DISP2: variants seen among roughly 807,000 people sequenced by gnomAD.
The protein encoded by DISP2 is protein dispatched homolog 2.
DISP2 carries 59 observed loss-of-function variants against 95.5 expected under a neutral mutation model. The observed-to-expected ratio is 0.62, with a 90% confidence interval of 0.50 to 0.77. The LOEUF (loss-of-function observed/expected upper bound fraction) is 0.77. Ranked by LOEUF, DISP2 falls within the 30% of genes least tolerant of loss-of-function variation. The probability of loss-of-function intolerance (pLI) is 0.00; values close to 1 mark genes in which losing one functional copy is unlikely to be tolerated. For synonymous variants in DISP2, 827 were observed against 815.0 expected, an observed-to-expected ratio of 1.01 and a Z score of -0.25; for missense variants, 1,752 against 1,854.6, an observed-to-expected ratio of 0.94 and a Z score of 1.02.
At position 40,367,834 on chromosome 15, in the gene DISP2, G is replaced by A. The variant is rs200010581; in HGVS notation, c.1722G>A (p.Pro574=). Residue 574 remains proline (P), a synonymous_variant, in exon 8 of 8, where the codon CCG becomes CCA. Transcript: ENST00000267889. The stretch of plus-strand genomic sequence containing the variant: ...GGCGCCTTAGCAAGAGCCAGCTGCC[G>A]TCGGGGGGGCTGGCGCAGCGCGTGG... The part of the protein sequence containing the change: ...DLWRLSKSQL[P]SGGLAQRVGR... 163 of 1,601,896 alleles carry A rather than the reference G, an allele frequency of 1.0e-4. 1 individual carries two copies. In the African/African-American group the frequency reaches 1.1e-3, roughly 10 times the overall value.
intron 1 of DISP2, among the ~76,000 whole-genome samples, chr15:40,362,352 A>C (rs1370520302): frequency 6.6e-6 from 1 of 152,198 alleles, no homozygotes; most frequent in African/African-American, 2.4e-5. Context: ...AGCATTCAAC[A>C]TGTTGGTCTG....
In DISP2 at chr15:40,378,503, C is replaced by A. The variant is rs1368172797; in HGVS notation, c.*8185C>A. ...GTGGTCTATGGAATGTTAATTATATCTCAATAAAGCTGTTAAAATTGTACT... is the reference window on the plus strand; with the variant it reads ...GTGGTCTATGGAATGTTAATTATATATCAATAAAGCTGTTAAAATTGTACT... On this transcript the variant is annotated 3_prime_UTR_variant, in exon 8 of 8. Coordinates refer to ENST00000267889, the MANE Select transcript of DISP2 (RefSeq NM_033510.3). 3 of 152,060 alleles carry A rather than the reference C, an allele frequency of 2.0e-5. No homozygotes were observed. Among genetic ancestry groups the A allele is most frequent in the Non-Finnish European group, 4.4e-5 (3 of 68,012 alleles). 9.4% of individuals were successfully genotyped at this position (152,060 alleles called of 1,614,324 possible).
chr15:40,360,218 G>A (rs1053774640), intron 1 of DISP2, among the ~76,000 whole-genome samples: 2 of 152,212 alleles, frequency 1.3e-5, no homozygotes, highest in African/African-American at 4.8e-5. Flanking sequence ...AACCCTGGAA[G>A]TTACTCATCC....
At position 40,374,937 on chromosome 15, in the gene DISP2, C is replaced by A. The variant is rs1356962518; in HGVS notation, c.*4619C>A. On this transcript the variant is annotated 3_prime_UTR_variant, in exon 8 of 8. Coordinates refer to ENST00000267889, the MANE Select transcript of DISP2 (RefSeq NM_033510.3). Reference sequence around the variant, plus strand: ...ATCTTTTCTTTGACGGTGGCAGTATCTCATTTTTTGATAATACACATGGGT... The same window carrying A: ...ATCTTTTCTTTGACGGTGGCAGTATATCATTTTTTGATAATACACATGGGT... 6.6e-6 allele frequency: 1 copy of A among 152,094 alleles called. No homozygotes were observed. Among genetic ancestry groups the A allele is most frequent in the Non-Finnish European group, 1.5e-5 (1 of 68,014 alleles). 9.4% of individuals were successfully genotyped at this position (152,094 alleles called of 1,614,324 possible). A position where few individuals can be genotyped will look rare whatever the true frequency, so the allele number is the denominator to read the frequency against.
At position 40,358,254 on chromosome 15, in the gene DISP2, A is replaced by ACCGCCACCG. The variant is rs1555399519; in HGVS notation, c.-63_-62insACCGCCGCC. The ACCGCCACCG allele has an allele frequency of 5.6e-5, 58 of 1,031,820 alleles. No homozygotes were observed. Among genetic ancestry groups the ACCGCCACCG allele is most frequent in the South Asian group, 1.4e-4 (3 of 22,142 alleles). 63.9% of individuals were successfully genotyped at this position (1,031,820 alleles called of 1,614,324 possible). A position where few individuals can be genotyped will look rare whatever the true frequency, so the allele number is the denominator to read the frequency against. ...GCACCCCGCCGCCGCTGCCGCCGCC[A>ACCGCCACCG]CCGCCGCCGCCGCCGCCGCCGCCGC... On this transcript the variant is annotated 5_prime_UTR_variant, in exon 1 of 8. Transcript: ENST00000267889.
chr15:40,368,414 G>A lies in DISP2; in HGVS notation c.2302G>A (p.Gly768Ser). The A allele has an allele frequency of 1.9e-6, 3 of 1,608,932 alleles. No homozygotes were observed. The African/African-American group carries it at 4.0e-5, about 21-fold the overall frequency. Residue 768 changes from glycine to serine, a missense_variant, in exon 8 of 8, where the codon GGC (glycine) becomes AGC (serine). By Grantham distance (56) the Gly-to-Ser change is moderately conservative (BLOSUM62 0). This residue lies in a region of DISP2 where 732 missense variants were observed against 714.6 expected (regional missense o/e 1.02). Transcript: ENST00000267889. ...LFEQLPQGEGGHMPVVLVWGV... is the reference protein window; with the variant it reads ...LFEQLPQGEGSHMPVVLVWGV... ...CGAGCAGCTGCCGCAGGGCGAGGGC[G>A]GCCACATGCCCGTGGTTTTGGTGTG...
chr15:40,359,482 A>G (rs867954059), intron 1 of DISP2, among the ~76,000 whole-genome samples: 1 of 152,252 alleles, frequency 6.6e-6, no homozygotes, highest in Non-Finnish European at 1.5e-5. Context: ...GAGACACAGG[A>G]TGGGTGTATT....
rs1889755877 is a variant in DISP2, at chr15:40,378,160, A to C, written c.*7842A>C. 6.6e-6 allele frequency: 1 copy of C among 152,284 alleles called. No homozygotes were observed. The highest frequency in any genetic ancestry group is 6.5e-5 in the Admixed American group (1 of 15,288). The allele number at this position is 152,284 out of a possible 1,614,324, so 9.4% of individuals were successfully genotyped here. On this transcript the variant is annotated 3_prime_UTR_variant, in exon 8 of 8. Coordinates refer to ENST00000267889, the MANE Select transcript of DISP2 (RefSeq NM_033510.3). ...ATAACCCATCATAAGGAGAAAAATC[A>C]GTTGAAACCACTACAGCTGACACCT...
At chr15:40,359,062 A>G (rs2141257677) in intron 1 of DISP2, among the ~76,000 whole-genome samples, 1 of 152,326 alleles carries the variant, frequency 6.6e-6, no homozygotes, top group East Asian at 1.9e-4. Context: ...CCACCCCTGG[A>G]GGAGCCCCAT....
Position 40,358,275 on chromosome 15 carries a change from G to GCCGCCGCCC in DISP2, c.-43_-42insCGCCCCCGC, listed in dbSNP as rs1889347003. 5.8e-6 allele frequency: 7 copies of GCCGCCGCCC among 1,214,814 alleles called. No homozygotes were observed. Among genetic ancestry groups the GCCGCCGCCC allele is most frequent in the African/African-American group, 1.6e-5 (1 of 63,192 alleles). The allele number at this position is 1,214,814 out of a possible 1,614,324, so 75.3% of individuals were successfully genotyped here. ...CGCCACCGCCGCCGCCGCCGCCGCCGCCGCGGCTTCAGCACCAGCGCCCGG... is the reference window on the plus strand; with the variant it reads ...CGCCACCGCCGCCGCCGCCGCCGCCGCCGCCGCCCCCGCGGCTTCAGCACCAGCGCCCGG... On this transcript the variant is annotated 5_prime_UTR_variant, in exon 1 of 8. Coordinates refer to ENST00000267889, the MANE Select transcript of DISP2 (RefSeq NM_033510.3).
At chr15:40,364,100 A>G (rs1889453269) in intron 2 of DISP2, 126 bp from the exon 3 acceptor site, 1 of 1,492,068 alleles carries the variant, frequency 6.7e-7, no homozygotes, top group Non-Finnish European at 9.2e-7. Context: ...GGGAGTGGCA[A>G]AGCGCTAAAA....
intron 5 of DISP2, 76 bp downstream of exon 5, chr15:40,365,029 C>A: frequency 6.3e-7 from 1 of 1,596,728 alleles, no homozygotes; most frequent in Non-Finnish European, 8.5e-7. Context: ...ATTGGGTGAC[C>A]CACCCCAAGG....
At chr15:40,365,091 T>C in intron 5 of DISP2, 56 bp from the exon 6 acceptor site, 1 of 1,595,658 alleles carries the variant, frequency 6.3e-7, no homozygotes, top group Non-Finnish European at 8.5e-7. Context: ...GTCTCTGGCC[T>C]CCTCTGAGTC....
chr15:40,364,567 G>T, intron 4 of DISP2, 23 bp downstream of exon 4: 1 of 1,609,964 alleles, frequency 6.2e-7, no homozygotes, highest in South Asian at 1.1e-5. Flanking sequence ...GGGGTGGGAC[G>T]GGGTCCCCAG....
rs767413929 is a variant in DISP2, at chr15:40,367,217, C to T, written c.1105C>T (p.Arg369Trp). The T allele has an allele frequency of 3.7e-6, 6 of 1,614,034 alleles. No individual in the cohort carries two copies. The highest frequency in any genetic ancestry group is 2.2e-5 in the East Asian group (1 of 44,840). Reference protein sequence around the residue: ...ADAARTLALLRTCALYYHSGA... With the variant: ...ADAARTLALLWTCALYYHSGA... ...CGCAGCCCGCACACTGGCCCTGCTT[C>T]GGACCTGTGCCCTCTACTACCACAG... The change falls in exon 8 of 8, where the codon CGG (arginine) becomes TGG (tryptophan). Residue 369 changes from arginine (R) to tryptophan (W), a missense_variant. Transcript: ENST00000267889.
In DISP2 at chr15:40,368,124, C is replaced by T. The variant is rs779388455; in HGVS notation, c.2012C>T (p.Ala671Val). The T allele has an allele frequency of 2.1e-5, 31 of 1,454,092 alleles. No homozygotes were observed. In the Admixed American group the frequency reaches 7.4e-4, roughly 35 times the overall value. 90.1% of individuals were successfully genotyped at this position (1,454,092 alleles called of 1,614,324 possible). A position where few individuals can be genotyped will look rare whatever the true frequency, so the allele number is the denominator to read the frequency against. ...AGCGCGCCCCGGCGGCTACTGCTGG[C>T]GCTGCACCGGCGGCTCCGCGGCCTG... is the stretch of plus-strand genomic sequence containing the variant. ...EGSAPRRLLL[A>V]LHRRLRGLRR... Residue 671 changes from alanine to valine, a missense_variant, in exon 8 of 8, where the codon GCG becomes GTG. Physicochemically the swap from Ala to Val is moderately conservative, Grantham distance 64 (BLOSUM62 0). Transcript: ENST00000267889.
chr15:40,364,028 G>T, intron 2 of DISP2, 74 bp downstream of exon 2: 4 of 1,494,746 alleles, frequency 2.7e-6, no homozygotes, highest in Non-Finnish European at 2.7e-6. Flanking sequence ...GCAGACTGCC[G>T]GGGCTCTAGA....
At position 40,369,830 on chromosome 15, in the gene DISP2, G is replaced by C. The variant is rs546826681; in HGVS notation, c.3718G>C (p.Ala1240Pro). The C allele has an allele frequency of 3.8e-5, 60 of 1,579,738 alleles. No homozygotes were observed. Among genetic ancestry groups the C allele is most frequent in the Middle Eastern group, 3.4e-4 (2 of 5,918 alleles). Residue 1240 changes from alanine to proline, a missense_variant, in exon 8 of 8, where the codon GCT (alanine) becomes CCT (proline). Physicochemically the swap from Ala to Pro is conservative, Grantham distance 27 (BLOSUM62 -1). Transcript: ENST00000267889. ...ALQTSSPYKQ[A>P]GPSPKTRARQ... Reference sequence around the variant, plus strand: ...GCAGACCTCCTCCCCCTATAAGCAGGCTGGCCCCAGCCCCAAAACCCGGGC... The same window carrying C: ...GCAGACCTCCTCCCCCTATAAGCAGCCTGGCCCCAGCCCCAAAACCCGGGC...
In DISP2 at chr15:40,372,627, G is replaced by A. The variant is rs751834217; in HGVS notation, c.*2309G>A. On this transcript the variant is annotated 3_prime_UTR_variant, in exon 8 of 8. Transcript: ENST00000267889. Reference sequence around the variant, plus strand: ...CTCTCTTCATGTCCAGGTAGCATTCGGCCTCTCTGACCTAGAGCTGCTCAT... The same window carrying A: ...CTCTCTTCATGTCCAGGTAGCATTCAGCCTCTCTGACCTAGAGCTGCTCAT... 1.1e-4 allele frequency: 17 copies of A among 152,158 alleles called. No homozygotes were observed. Among genetic ancestry groups the A allele is most frequent in the East Asian group, 1.9e-4 (1 of 5,192 alleles). The allele number at this position is 152,158 out of a possible 1,614,324, so 9.4% of individuals were successfully genotyped here.
Sources: allele counts gnomAD v4.1 joint callset (sites outside exome capture counted in the v4.1 genomes callset), GRCh38; gene constraint gnomAD v4.1.1; regional missense constraint gnomAD v4.1.1; transcripts MANE v1.5; gene names NCBI Gene and HGNC (gene_info 2026-07-23, HGNC 2026-07-21).